PUDP: variants seen among roughly 807,000 people sequenced by gnomAD.
PUDP encodes the protein pseudouridine 5'-phosphatase.
A neutral mutation model predicts 9.4 loss-of-function variants in PUDP; 8 were observed. That is an observed-to-expected ratio of 0.85 (90% CI 0.50 to 1.53). The LOEUF (loss-of-function observed/expected upper bound fraction) is 1.53, where lower values mean the gene tolerates loss of function less well. PUDP is among the 40% of genes most tolerant of loss of function. The pLI is 0.00. For synonymous variants in PUDP, 99 were observed against 80.7 expected, an observed-to-expected ratio of 1.23 and a Z score of -1.22; for missense variants, 188 against 189.7, an observed-to-expected ratio of 0.99 and a Z score of 0.05.
intron 3 of PUDP, among the ~76,000 whole-genome samples, chrX:6,894,680 G>C (rs1927561788): frequency 9.0e-6 from 1 of 111,486 alleles, no homozygotes; most frequent in South Asian, 3.8e-4. Flanking sequence ...GGTTGATAAA[G>C]GTATAGGAAC....
At position 7,084,039 on chromosome X, in the gene PUDP, T is replaced by C. The variant is rs377530215; in HGVS notation, c.281-6590A>G. ...TGAGGCAGTTTCACTTCCTGAGGAC[T>C]ACAGAGAAACCCTGTCACCCTCCGG... On this transcript the variant is annotated intron_variant, in intron 2 of 3. Coordinates refer to ENST00000381077, the MANE Select transcript of PUDP (RefSeq NM_012080.5). 9.2e-4 allele frequency among the ~76,000 whole-genome samples: 104 copies of C among 112,480 alleles called. 2 individuals carry two copies. The South Asian group carries it at 0.038, about 41-fold the overall frequency.
chrX:7,117,084 C>T (rs1932217828), intron 1 of PUDP: 4 of 1,159,055 alleles, frequency 3.5e-6, no homozygotes, highest in Non-Finnish European at 4.6e-6. Flanking sequence ...ATTATCTAGA[C>T]TCAGCCATTT....
At chrX:6,837,506 C>T (rs997411148) in intron 3 of PUDP, among the ~76,000 whole-genome samples, 12 of 112,819 alleles carry the variant, frequency 1.1e-4, no homozygotes, top group African/African-American at 2.3e-4. Context: ...CATGTGCATA[C>T]GCACACACAC....
At position 7,002,448 on chromosome X, in the gene PUDP, C is replaced by G. The variant is rs954855741; in HGVS notation, c.205-24105G>C. On this transcript the variant is annotated intron_variant and NMD_transcript_variant, in intron 1 of 3. Transcript: ENST00000655425. ...GACTTTGAGAATATTAAAACTAGAT[C>G]AAATGTGATACTGGTGAGGAGATTT... Among the ~76,000 whole-genome samples, 21 of 111,754 alleles carry G rather than the reference C, an allele frequency of 1.9e-4. 1 individual carries two copies. The highest frequency in any genetic ancestry group is 1.2e-3 in the Admixed American group (13 of 10,577).
intron 3 of PUDP, among the ~76,000 whole-genome samples, chrX:6,866,568 A>G (rs1927089874): frequency 9.0e-6 from 1 of 111,198 alleles, no homozygotes; most frequent in Admixed American, 9.6e-5. Flanking sequence ...GAGGGGCATC[A>G]ATTTGAGATT....
chrX:7,080,918 C>CAA (rs746448938), intron 2 of PUDP, among the ~76,000 whole-genome samples: 16 of 47,940 alleles, frequency 3.3e-4, no homozygotes, highest in African/African-American at 1.2e-3. Context: ...GACTCCATCT[C>CAA]AAAAAAAAAA....
intron 2 of PUDP, 79 bp downstream of exon 2, chrX:7,105,541 T>C: frequency 6.9e-6 from 5 of 720,046 alleles, no homozygotes; most frequent in Non-Finnish European, 1.0e-5. Context: ...GCATGCCCTA[T>C]GCTAGACTTT....
intron 3 of PUDP, among the ~76,000 whole-genome samples, chrX:6,927,236 G>C (rs1265808158): frequency 2.7e-5 from 3 of 111,038 alleles, no homozygotes; most frequent in Non-Finnish European, 5.7e-5. Context: ...GCCTGGCCAA[G>C]AAGACAATTC....
At chrX:6,959,188 T>G (rs1928672329) in intron 3 of PUDP, among the ~76,000 whole-genome samples, 1 of 111,547 alleles carries the variant, frequency 9.0e-6, no homozygotes, top group Non-Finnish European at 1.9e-5. Flanking sequence ...AATGGGAGAA[T>G]GATCCTGAAG....
chrX:6,737,878 C>G (rs995211478), intron 3 of PUDP, among the ~76,000 whole-genome samples: 15 of 111,061 alleles, frequency 1.4e-4, no homozygotes, highest in Non-Finnish European at 2.3e-4. Flanking sequence ...GCTGTCGATG[C>G]GAGCACTGAA....
At chrX:7,012,375 A>G (rs549077764) in intron 1 of PUDP, among the ~76,000 whole-genome samples, 2 of 112,443 alleles carry the variant, frequency 1.8e-5, no homozygotes, top group African/African-American at 3.2e-5. Context: ...CTAAAGCCTC[A>G]TATCTTTAGC....
intron 3 of PUDP, among the ~76,000 whole-genome samples, chrX:6,851,907 AG>A: frequency 8.9e-6 from 1 of 112,250 alleles, no homozygotes; most frequent in East Asian, 2.8e-4. Flanking sequence ...ACCTTTTCCA[AG>A]TCTACGGTGC....
In PUDP at chrX:6,906,276, T is replaced by C. The variant is rs772009535; in HGVS notation, c.*247+70857A>G. ...CTTCATACCATAAGACACGAAATAATTGACGACAACAGGCACAAGTTTCCA... is the reference window on the plus strand; with the variant it reads ...CTTCATACCATAAGACACGAAATAACTGACGACAACAGGCACAAGTTTCCA... On this transcript the variant is annotated intron_variant and NMD_transcript_variant, in intron 3 of 3. Transcript: ENST00000655425. 8.0e-4 allele frequency among the ~76,000 whole-genome samples: 89 copies of C among 111,877 alleles called. 1 individual carries two copies. The highest frequency in any genetic ancestry group is 2.7e-3 in the African/African-American group (83 of 30,836).
chrX:6,709,101 G>T (rs910655466), intron 1 of PUDP, among the ~76,000 whole-genome samples: 1 of 112,225 alleles, frequency 8.9e-6, no homozygotes, highest in Non-Finnish European at 1.9e-5. Flanking sequence ...AGGCTTTACG[G>T]TAAAGCTGCT....
At chrX:7,042,324 G>A (rs1229495879) in intron 1 of PUDP, among the ~76,000 whole-genome samples, 2 of 111,096 alleles carry the variant, frequency 1.8e-5, no homozygotes, top group Non-Finnish European at 3.8e-5. Context: ...CTAAGTAAGC[G>A]AGTGATGTTA....
chrX:6,878,137 C>T (rs901324786), intron 3 of PUDP, among the ~76,000 whole-genome samples: 4 of 112,160 alleles, frequency 3.6e-5, no homozygotes, highest in Admixed American at 2.8e-4. Flanking sequence ...GAAGCACACA[C>T]GATTTTCACA....
chrX:6,937,329 A>G (rs1182300360), intron 3 of PUDP, among the ~76,000 whole-genome samples: 3 of 106,045 alleles, frequency 2.8e-5, no homozygotes, highest in Admixed American at 1.0e-4. Context: ...ATAACGCCGC[A>G]TATCTACAAC....
At chrX:7,094,985 C>T (rs139623020) in intron 2 of PUDP, among the ~76,000 whole-genome samples, 1,784 of 111,892 alleles carry the variant, frequency 0.016, 34 homozygotes, top group African/African-American at 0.052. Context: ...TGCCCCAAAT[C>T]GAGACCACCA....
At chrX:7,082,824 T>G (rs1372859772) in intron 2 of PUDP, among the ~76,000 whole-genome samples, 2 of 112,999 alleles carry the variant, frequency 1.8e-5, no homozygotes, top group East Asian at 2.8e-4. Flanking sequence ...TGCAACTGCC[T>G]GAACAGCAGG....
Sources: gnomAD v4.1 joint callset for allele counts (sites outside exome capture counted in the v4.1 genomes callset) on GRCh38, gnomAD v4.1.1 for gene constraint, MANE v1.5 for transcripts, NCBI Gene and HGNC (gene_info 2026-07-23, HGNC 2026-07-21) for gene names.